The following PSIP1 variants were observed in gnomAD, a reference collection of about 807,000 sequenced individuals.
The protein encoded by PSIP1 is PC4 and SRSF1 interacting protein 1.
In PSIP1, 19 loss-of-function variants were observed where a neutral mutation model predicts 74.7. The observed-to-expected ratio is 0.25, with a 90% CI of 0.18 to 0.37. PSIP1 has a LOEUF of 0.37. PSIP1 is among the 10% of genes least tolerant of loss of function. The pLI, the probability that PSIP1 is intolerant of heterozygous loss-of-function variation, is 1.00. For synonymous variants in PSIP1, 222 were observed against 195.3 expected (o/e 1.14, Z -1.14); for missense variants, 601 against 614.3 (o/e 0.98, Z 0.23).
chr9:15,503,958 A>G (rs114964341), intron 3 of PSIP1, among the ~76,000 whole-genome samples: 2,078 of 152,204 alleles, frequency 0.014, 39 homozygotes, highest in African/African-American at 0.048. Context: ...TATTGGCCAA[A>G]GTGGTCTTGA....
intron 6 of PSIP1, among the ~76,000 whole-genome samples, chr9:15,483,133 A>C (rs2036409409): frequency 6.6e-6 from 1 of 152,078 alleles, no homozygotes; most frequent in African/African-American, 2.4e-5. Flanking sequence ...CTTTGACCTC[A>C]TCTATTACCC....
rs111702299 is a variant in PSIP1, at chr9:15,482,288, GA to G, written c.457-2602del. 2.4e-4 allele frequency among the ~76,000 whole-genome samples: 35 copies of G among 148,610 alleles called. 2 individuals carry two copies. The highest frequency in any genetic ancestry group is 6.1e-4 in the African/African-American group (25 of 40,662). ...ATTCCCAGCTGCTGAAGCCTGCTGG[GA>G]AAAAAAAAATGTACAAACATGCATT... On this transcript the variant is annotated intron_variant, in intron 6 of 15. Coordinates refer to ENST00000380733, the MANE Select transcript of PSIP1 (RefSeq NM_033222.5).
At chr9:15,482,355 C>CCCTA (rs2036372775) in intron 6 of PSIP1, among the ~76,000 whole-genome samples, 1 of 152,138 alleles carries the variant, frequency 6.6e-6, no homozygotes, top group Non-Finnish European at 1.5e-5. Flanking sequence ...AGTCACTTTA[C>CCCTA]CCTATCTGAT....
intron 3 of PSIP1, among the ~76,000 whole-genome samples, chr9:15,501,014 T>C (rs2037318020): frequency 3.9e-5 from 6 of 152,154 alleles, no homozygotes. Flanking sequence ...AAATAAATAA[T>C]AGCCAAGCAT....
chr9:15,480,410 G>C (rs1000598957), intron 6 of PSIP1, among the ~76,000 whole-genome samples: 2 of 152,018 alleles, frequency 1.3e-5, no homozygotes, highest in Non-Finnish European at 2.9e-5. Context: ...ATAAAAACAA[G>C]AAGGCATTCA....
chr9:15,474,304 G>A, intron 8 of PSIP1, 67 bp from the exon 9 acceptor site: 1 of 1,351,042 alleles, frequency 7.4e-7, no homozygotes. Context: ...ATATCAGTAA[G>A]CTATAATTTT....
chr9:15,477,922 G>C (rs997075116), intron 8 of PSIP1, among the ~76,000 whole-genome samples: 4 of 151,774 alleles, frequency 2.6e-5, no homozygotes, highest in African/African-American at 9.7e-5. Flanking sequence ...AGAATCGTTT[G>C]AGCCCAGGAG....
chr9:15,489,340 G>GCT (rs1187799704), intron 4 of PSIP1: 2 of 152,020 alleles, frequency 1.3e-5, no homozygotes, highest in African/African-American at 2.4e-5. Flanking sequence ...GCGCGCAATG[G>GCT]CTCTCATCTG....
chr9:15,472,244 C>T, intron 10 of PSIP1: 4 of 992,656 alleles, frequency 4.0e-6, no homozygotes, highest in Non-Finnish European at 3.6e-6. Flanking sequence ...GTGAGGCCTG[C>T]TTGGTGGTGT....
Position 15,479,951 on chromosome 9 carries a change from G to A in PSIP1, c.457-264C>T, listed in dbSNP as rs112279388. On this transcript the variant is annotated intron_variant, in intron 6 of 15. Transcript: ENST00000380733. Reference sequence around the variant, plus strand: ...AAAATAAAGCTAATATTCTTGATGCGATATGGAGAACAAAGTATGTGATTA... The same window carrying A: ...AAAATAAAGCTAATATTCTTGATGCAATATGGAGAACAAAGTATGTGATTA... Among the ~76,000 whole-genome samples the A allele has an allele frequency of 8.1e-4, 124 of 152,162 alleles. 2 individuals are homozygous for A. Among genetic ancestry groups the A allele is most frequent in the African/African-American group, 2.5e-3 (104 of 41,520 alleles).
rs762792082 is a variant in PSIP1, at chr9:15,468,819, C to T, written c.1231G>A (p.Val411Ile). 2 of 1,613,626 alleles carry T rather than the reference C, an allele frequency of 1.2e-6. No individual in the cohort carries two copies. The highest frequency in any genetic ancestry group is 2.7e-5 in the African/African-American group (2 of 74,896). ...AACATTGTAGACTTTTCCATGATTA[C>T]CTGACTAACTTTGAATCGCCGTATC... is the stretch of plus-strand genomic sequence containing the variant. The part of the protein sequence containing the change: ...KKIRRFKVSQ[V>I]IMEKSTMLYN... Residue 411 changes from valine to isoleucine, a missense_variant, in exon 14 of 16, where the codon GTA (valine) becomes ATA (isoleucine). Transcript: ENST00000380733.
intron 11 of PSIP1, 136 bp downstream of exon 11, chr9:15,469,802 C>T (rs1179851927): frequency 1.5e-6 from 1 of 676,332 alleles, no homozygotes; most frequent in Admixed American, 2.9e-5. Context: ...TATATAAAGC[C>T]CATTAGGGAT....
Position 15,465,482 on chromosome 9 carries a change from A to G in PSIP1, c.*38T>C, listed in dbSNP as rs1330062392. ...TCTATTTCAAATGAAAACCATTACA[A>G]ACTTCTCAAGTGTTCTCTATATTCC... On this transcript the variant is annotated 3_prime_UTR_variant, in exon 16 of 16. Coordinates refer to ENST00000380733, the MANE Select transcript of PSIP1 (RefSeq NM_033222.5). 6 of 1,472,984 alleles carry G rather than the reference A, an allele frequency of 4.1e-6. No individual in the cohort carries two copies. Among genetic ancestry groups the G allele is most frequent in the African/African-American group, 2.9e-5 (2 of 70,022 alleles). 91.2% of individuals were successfully genotyped at this position (1,472,984 alleles called of 1,614,324 possible). A position where few individuals can be genotyped will look rare whatever the true frequency, so the allele number is the denominator to read the frequency against.
At chr9:15,471,417 TAA>T in intron 10 of PSIP1, 1 of 1,476,214 alleles carries the variant, frequency 6.8e-7, no homozygotes. Context: ...CTGAAATACA[TAA>T]AGATAACTTT....
intron 11 of PSIP1, 152 bp from the exon 12 acceptor site, chr9:15,469,488 C>G: frequency 1.8e-6 from 1 of 556,240 alleles, no homozygotes; most frequent in East Asian, 3.0e-5. Context: ...AATAGCTTAA[C>G]TAAGAATAAG....
At chr9:15,470,833 CAA>C (rs1188689008) in intron 10 of PSIP1, 25 of 1,031,922 alleles carry the variant, frequency 2.4e-5, no homozygotes, top group Middle Eastern at 9.0e-4. Flanking sequence ...AGCTTCAAAA[CAA>C]AATGAATTTT....
intron 3 of PSIP1, among the ~76,000 whole-genome samples, chr9:15,496,188 A>G (rs1290513568): frequency 2.6e-5 from 4 of 152,236 alleles, no homozygotes; most frequent in Non-Finnish European, 4.4e-5. Flanking sequence ...AGTTTATACA[A>G]TTAGTTAATA....
At chr9:15,482,874 G>A (rs2036396042) in intron 6 of PSIP1, among the ~76,000 whole-genome samples, 1 of 152,062 alleles carries the variant, frequency 6.6e-6, no homozygotes. Flanking sequence ...TCAACTAAAT[G>A]GAGTTCACCT....
At chr9:15,489,266 A>G (rs1437539611) in intron 4 of PSIP1, 2 of 152,160 alleles carry the variant, frequency 1.3e-5, no homozygotes, top group Admixed American at 6.6e-5. Flanking sequence ...CATTTGTCAC[A>G]TACCAATTTA....
Sources: allele counts gnomAD v4.1 joint callset (sites outside exome capture counted in the v4.1 genomes callset), GRCh38; gene constraint gnomAD v4.1.1; transcripts MANE v1.5; gene names NCBI Gene and HGNC (gene_info 2026-07-23, HGNC 2026-07-21).